The following VWA5B1 variants were observed in gnomAD, a reference collection of about 807,000 sequenced individuals.
VWA5B1 encodes von Willebrand factor A domain containing 5B1.
In VWA5B1, 115 loss-of-function variants were observed where a neutral mutation model predicts 118.2. The observed-to-expected ratio is 0.97, with a 90% CI of 0.84 to 1.14. The LOEUF (loss-of-function observed/expected upper bound fraction) is 1.14. VWA5B1 is among the 50% of genes most tolerant of loss of function. The pLI, the probability that VWA5B1 is intolerant of heterozygous loss-of-function variation, is 0.00. For missense variants in VWA5B1, 1,596 were observed against 1,603.8 expected, an observed-to-expected ratio of 1.00 and a Z score of 0.08; for synonymous variants, 682 against 658.4, an observed-to-expected ratio of 1.04 and a Z score of -0.55.
chr1:20,346,743 T>A (rs1313479010), intron 17 of VWA5B1, among the ~76,000 whole-genome samples: 1 of 152,252 alleles, frequency 6.6e-6, no homozygotes, highest in African/African-American at 2.4e-5. Context: ...GTTTATGAAC[T>A]ATTTGTGCTT....
chr1:20,321,132 C>T (rs1413351935), intron 7 of VWA5B1, among the ~76,000 whole-genome samples: 6 of 99,742 alleles, frequency 6.0e-5, no homozygotes, highest in Admixed American at 2.9e-4. Context: ...AAAAAAAACA[C>T]GAAAAGATGC....
At chr1:20,300,023 A>C (rs977597053) in intron 1 of VWA5B1, among the ~76,000 whole-genome samples, 1 of 152,152 alleles carries the variant, frequency 6.6e-6, no homozygotes, top group Non-Finnish European at 1.5e-5. Context: ...AGCAGGCAGC[A>C]GGGGGGCGCC....
Position 20,323,549 on chromosome 1 carries a change from C to T in VWA5B1, c.1143+17C>T, listed in dbSNP as rs1339840691. On this transcript the variant is annotated intron_variant, in intron 8 of 21. Transcript: ENST00000289815. The stretch of plus-strand genomic sequence containing the variant: ...CGAGTCAAGGTACCTGCTGAGAGAA[C>T]CCCTCCCGAGGACCCGGGGCTCCAG... 7.2e-7 allele frequency: 1 copy of T among 1,389,112 alleles called. No individual in the cohort carries two copies. 86.0% of individuals were successfully genotyped at this position (1,389,112 alleles called of 1,614,324 possible). A position where few individuals can be genotyped will look rare whatever the true frequency, so the allele number is the denominator to read the frequency against.
In VWA5B1 at chr1:20,328,000, G is replaced by A. The variant is rs1400730405; in HGVS notation, c.1254G>A (p.Glu418=). ...TTCCTTCCAGCCAGACCTACAGTGA[G>A]GTAATGAGGGGGCAAGGCTGGGACC... ...SLFPSSQTYS[E]DSLAMACDDI... Residue 418 remains glutamate, a splice_region_variant and synonymous_variant, in exon 9 of 22, where the codon GAG becomes GAA. Transcript: ENST00000289815. 1.3e-6 allele frequency: 2 copies of A among 1,551,260 alleles called. No individual in the cohort carries two copies. Among genetic ancestry groups the A allele is most frequent in the South Asian group, 1.2e-5 (1 of 84,038 alleles).
At chr1:20,325,114 A>G (rs1007173665) in intron 8 of VWA5B1, among the ~76,000 whole-genome samples, 1 of 152,222 alleles carries the variant, frequency 6.6e-6, no homozygotes, top group African/African-American at 2.4e-5. Flanking sequence ...CAAGAGGCTA[A>G]GTGCTTTTCC....
Position 20,314,399 on chromosome 1 carries a change from G to T in VWA5B1, c.370G>T (p.Glu124Ter). The change falls in exon 4 of 22, where the codon GAG becomes TAG. Residue 124 changes from glutamate to a stop codon, truncating the protein, a stop_gained. Transcript: ENST00000289815. LOFTEE classifies it high-confidence loss of function. Reference sequence around the variant, plus strand: ...AAAGGTGACCTTGGACGAGGATTTGGAGCGGATCCTGTTCGTGGCCAACCT... The same window carrying T: ...AAAGGTGACCTTGGACGAGGATTTGTAGCGGATCCTGTTCGTGGCCAACCT... Reference protein sequence around the residue: ...PGKVTLDEDLERILFVANLGT... With the variant: ...PGKVTLDEDL The T allele has an allele frequency of 6.4e-7, 1 of 1,552,036 alleles. No individual in the cohort carries two copies. The highest frequency in any genetic ancestry group is 1.2e-5 in the South Asian group (1 of 84,058).
In VWA5B1 at chr1:20,332,718, C is replaced by T. The variant is rs747618098; in HGVS notation, c.1573-48C>T. On this transcript the variant is annotated intron_variant, in intron 11 of 21. Coordinates refer to ENST00000289815, the MANE Select transcript of VWA5B1 (RefSeq NM_001039500.3). ...TGATACTTACATGATCTTCTGTACA[C>T]ATCTCTTCTCATACATCCCCCAACT... 37 of 1,537,522 alleles carry T rather than the reference C, an allele frequency of 2.4e-5. No homozygotes were observed. The South Asian group carries it at 4.1e-4, about 17-fold the overall frequency.
At chr1:20,335,346 C>A (rs914722996) in intron 12 of VWA5B1, among the ~76,000 whole-genome samples, 18 of 152,090 alleles carry the variant, frequency 1.2e-4, no homozygotes, top group Admixed American at 2.6e-4. Flanking sequence ...AGTTGAAATG[C>A]AGAATTTCCA....
intron 1 of VWA5B1, among the ~76,000 whole-genome samples, chr1:20,297,654 C>A (rs1238227668): frequency 6.6e-6 from 1 of 152,246 alleles, no homozygotes; most frequent in Non-Finnish European, 1.5e-5. Context: ...CTTCAAGGAT[C>A]TTAGCCCTCT....
At chr1:20,308,813 C>A (rs2088750336) in intron 1 of VWA5B1, among the ~76,000 whole-genome samples, 1 of 152,182 alleles carries the variant, frequency 6.6e-6, no homozygotes, top group South Asian at 2.1e-4. Context: ...AGGATCTCAG[C>A]TGGGGACATG....
intron 14 of VWA5B1, 141 bp from the exon 15 acceptor site, chr1:20,342,291 C>A (rs1224102693): frequency 4.1e-5 from 34 of 826,948 alleles, no homozygotes; most frequent in Non-Finnish European, 5.6e-5. Context: ...AGCTGCTGTG[C>A]CCCAGGAAAG....
chr1:20,328,767 A>G (rs1023589485), intron 9 of VWA5B1, among the ~76,000 whole-genome samples: 1 of 152,196 alleles, frequency 6.6e-6, no homozygotes, highest in Non-Finnish European at 1.5e-5. Context: ...ACAACAAAAG[A>G]ATAATATGTA....
chr1:20,316,653 A>T (rs1184998231), intron 4 of VWA5B1, among the ~76,000 whole-genome samples: 2 of 152,204 alleles, frequency 1.3e-5, no homozygotes, highest in African/African-American at 4.8e-5. Context: ...GGGTCCCGAA[A>T]CGTGAGTACT....
chr1:20,327,594 G>A (rs571771113), intron 8 of VWA5B1, among the ~76,000 whole-genome samples: 12 of 151,886 alleles, frequency 7.9e-5, no homozygotes, highest in African/African-American at 2.9e-4. Context: ...TAATAGAAAG[G>A]CTTTAAGAAA....
intron 16 of VWA5B1, 126 bp downstream of exon 16, chr1:20,343,519 C>T: frequency 7.1e-7 from 1 of 1,409,354 alleles, no homozygotes; most frequent in Non-Finnish European, 9.3e-7. Flanking sequence ...CGCCCACCTG[C>T]TTCCCGGGTC....
chr1:20,348,555 G>A (rs2090057689), intron 18 of VWA5B1, among the ~76,000 whole-genome samples, 197 bp downstream of exon 18: 1 of 152,104 alleles, frequency 6.6e-6, no homozygotes, highest in South Asian at 2.1e-4. Context: ...GGTATGGCCG[G>A]AGCGCACCAC....
At chr1:20,319,769 A>C (rs1248871132) in intron 7 of VWA5B1, among the ~76,000 whole-genome samples, 1 of 152,128 alleles carries the variant, frequency 6.6e-6, no homozygotes, top group Non-Finnish European at 1.5e-5. Flanking sequence ...AAGCCAGGAA[A>C]ATTTATATAT....
chr1:20,341,210 G>A (rs541867030), intron 14 of VWA5B1, among the ~76,000 whole-genome samples: 26 of 152,258 alleles, frequency 1.7e-4, no homozygotes, highest in South Asian at 4.1e-4. Context: ...TGCCAACCCC[G>A]ACTGATTTGG....
chr1:20,342,456 C>T lies in VWA5B1; in HGVS notation c.2158C>T (p.Leu720=). The change falls in exon 15 of 22, where the codon CTG becomes TTG. Residue 720 remains leucine (L), a synonymous_variant. Transcript: ENST00000289815. The stretch of plus-strand genomic sequence containing the variant: ...GCCCTTGCTGAACAGTGGTCAGGAC[C>T]TGAACCAGGGCCCCAAACTCCGTGG... ...LQPLLNSGQD[L]NQGPKLRGPG... is the part of the protein sequence containing the mutation. 2 of 1,551,308 alleles carry T rather than the reference C, an allele frequency of 1.3e-6. No homozygotes were observed. The highest frequency in any genetic ancestry group is 1.7e-6 in the Non-Finnish European group (2 of 1,146,960).
Sources: gnomAD v4.1 joint callset for allele counts (sites outside exome capture counted in the v4.1 genomes callset) on GRCh38, gnomAD v4.1.1 for gene constraint, MANE v1.5 for transcripts, NCBI Gene and HGNC (gene_info 2026-07-23, HGNC 2026-07-21) for gene names.